The following ANKHD1 variants were observed in gnomAD, a reference collection of about 807,000 sequenced individuals.
ANKHD1 encodes the protein ankyrin repeat and KH domain-containing protein 1.
Under a neutral mutation model 230.5 loss-of-function variants are expected in ANKHD1, and 31 were observed. That is an observed-to-expected ratio of 0.13 (90% confidence interval 0.10 to 0.18). The LOEUF is 0.18. Ranked by LOEUF, ANKHD1 falls within the 10% of genes least tolerant of loss-of-function variation. The pLI, the probability that ANKHD1 is intolerant of heterozygous loss-of-function variation, is 1.00. For missense variants in ANKHD1, 2,256 were observed against 3,071.3 expected, an observed-to-expected ratio of 0.73 and a Z score of 6.27; for synonymous variants, 1,074 against 1,117.6, an observed-to-expected ratio of 0.96 and a Z score of 0.78.
At chr5:140,532,042 A>T (rs1252618573) in intron 29 of ANKHD1, among the ~76,000 whole-genome samples, 1 of 152,006 alleles carries the variant, frequency 6.6e-6, no homozygotes, top group Non-Finnish European at 1.5e-5. Context: ...CCCTGTCTCT[A>T]CTAAAATACA....
At chr5:140,442,213 G>T (rs1024660563) in intron 5 of ANKHD1, among the ~76,000 whole-genome samples, 1 of 151,430 alleles carries the variant, frequency 6.6e-6, no homozygotes, top group Non-Finnish European at 1.5e-5. Flanking sequence ...CTAATTTTTT[G>T]TACTTTTTTA....
At chr5:140,434,089 T>C (rs1773264189) in intron 1 of ANKHD1, among the ~76,000 whole-genome samples, 1 of 152,186 alleles carries the variant, frequency 6.6e-6, no homozygotes, top group Admixed American at 6.5e-5. Context: ...CATTAGATAA[T>C]AAAATAAGTT....
intron 10 of ANKHD1, among the ~76,000 whole-genome samples, chr5:140,481,441 AAGT>A (rs1422172809): frequency 6.6e-6 from 1 of 152,024 alleles, no homozygotes; most frequent in East Asian, 1.9e-4. Flanking sequence ...TCAAAGCATA[AAGT>A]AGTTTTTAAA....
At chr5:140,448,136 GCTGCAGT>G (rs1774435167) in intron 6 of ANKHD1, among the ~76,000 whole-genome samples, 2 of 152,160 alleles carry the variant, frequency 1.3e-5, no homozygotes. Context: ...GGAGTTTGAG[GCTGCAGT>G]GAGCTATGAT....
Position 140,529,609 on chromosome 5 carries a change from G to A in ANKHD1, c.6663G>A (p.Gln2221=). The A allele has an allele frequency of 6.2e-7, 1 of 1,614,178 alleles. No homozygotes were observed. The highest frequency in any genetic ancestry group is 8.5e-7 in the Non-Finnish European group (1 of 1,180,034). The change falls in exon 29 of 34, where the codon CAG becomes CAA. Residue 2221 remains glutamine, a synonymous_variant. Transcript: ENST00000360839. ...NHFSSLFDSS[Q]VPANQGWGDG... Reference sequence around the variant, plus strand: ...TCAGCAGTCTTTTTGATAGTAGTCAGGTGCCAGCTAACCAGGGCTGGGGAG... The same window carrying A: ...TCAGCAGTCTTTTTGATAGTAGTCAAGTGCCAGCTAACCAGGGCTGGGGAG...
At chr5:140,454,837 G>A (rs1321206724) in intron 7 of ANKHD1, among the ~76,000 whole-genome samples, 1 of 152,076 alleles carries the variant, frequency 6.6e-6, no homozygotes, top group Non-Finnish European at 1.5e-5. Context: ...TCAAAAGCTA[G>A]CAGAAGGCAA....
intron 15 of ANKHD1, among the ~76,000 whole-genome samples, chr5:140,500,161 G>T (rs563764727): frequency 1.3e-5 from 2 of 151,984 alleles, no homozygotes; most frequent in African/African-American, 4.8e-5. Context: ...GAGCCACCGC[G>T]CCTGGCCAAA....
intron 1 of ANKHD1, among the ~76,000 whole-genome samples, chr5:140,409,208 ACTTATG>A (rs1019061327): frequency 7.2e-5 from 11 of 152,192 alleles, no homozygotes; most frequent in Admixed American, 2.6e-4. Flanking sequence ...GCATTTCAGG[ACTTATG>A]CTTATAACCT....
rs570019464 is a variant in ANKHD1 at position 140,527,639 on chromosome 5, T to G, written c.5088-234T>G. Reference sequence around the variant, plus strand: ...ATAATTTTTGTTTTCAATGGCAGTGTAATTTTTAAAATTAGGTTCTCTGAA... The same window carrying G: ...ATAATTTTTGTTTTCAATGGCAGTGGAATTTTTAAAATTAGGTTCTCTGAA... On this transcript the variant is annotated intron_variant, in intron 27 of 33. Coordinates refer to ENST00000360839, the MANE Select transcript of ANKHD1 (RefSeq NM_017747.3). The surrounding 1 kb of genome is among the most constrained non-coding windows in gnomAD (Gnocchi z 4.5). 2.3e-4 allele frequency among the ~76,000 whole-genome samples: 35 copies of G among 152,356 alleles called. No individual in the cohort carries two copies. Among genetic ancestry groups the G allele is most frequent in the Non-Finnish European group, 4.3e-4 (29 of 68,040 alleles).
chr5:140,495,657 A>G (rs1752003424), intron 14 of ANKHD1, among the ~76,000 whole-genome samples: 1 of 152,180 alleles, frequency 6.6e-6, no homozygotes, highest in South Asian at 2.1e-4. Flanking sequence ...ATTAATATTG[A>G]TAATTATTTT....
At chr5:140,523,980 T>C in intron 24 of ANKHD1, 86 bp from the exon 25 acceptor site, 1 of 1,447,754 alleles carries the variant, frequency 6.9e-7, no homozygotes, top group Non-Finnish European at 9.1e-7. Flanking sequence ...TCCATGGAAA[T>C]CCCTGTGTAT....
chr5:140,527,067 G>A lies in ANKHD1; in HGVS notation c.5080G>A (p.Val1694Ile), dbSNP rs2127086454. 1 of 1,611,700 alleles carries A rather than the reference G, an allele frequency of 6.2e-7. No homozygotes were observed. Among genetic ancestry groups the A allele is most frequent in the East Asian group, 2.2e-5 (1 of 44,718 alleles). Residue 1694 changes from valine to isoleucine, a missense_variant, in exon 27 of 34, where the codon GTA (valine) becomes ATA (isoleucine). Val to Ile is a conservative substitution (Grantham distance 29). This residue lies in a region of ANKHD1 where 212 missense variants were observed against 257.3 expected (regional missense o/e 0.82). Transcript: ENST00000360839. The surrounding 1 kb of genome is among the most constrained non-coding windows in gnomAD (Gnocchi z 4.5). ...QKREEGWKEV[V>I]RRSKKLSVPA... Reference sequence around the variant, plus strand: ...AAGAGAAGAAGGGTGGAAAGAAGTTGTACGAAGGTAAATAGAATTAGTTCC... The same window carrying A: ...AAGAGAAGAAGGGTGGAAAGAAGTTATACGAAGGTAAATAGAATTAGTTCC...
At chr5:140,533,965 A>G (rs1308312797) in intron 29 of ANKHD1, among the ~76,000 whole-genome samples, 1 of 152,152 alleles carries the variant, frequency 6.6e-6, no homozygotes, top group Non-Finnish European at 1.5e-5. Flanking sequence ...TTGTCAGGAA[A>G]GCACAGTAAT....
intron 32 of ANKHD1, among the ~76,000 whole-genome samples, 195 bp downstream of exon 32, chr5:140,538,456 TG>T (rs1754171428): frequency 6.6e-6 from 1 of 152,188 alleles, no homozygotes. Context: ...CGAAAACACC[TG>T]AGGGATTTGG....
In ANKHD1 at chr5:140,440,109, T is replaced by A; in HGVS notation, c.618-10T>A. ...TGTTTCGGTTAATTGTTGAATGGTT[T>A]TGTTTCCAGTCGCAGTCTAGCAGAA... On this transcript the variant is annotated splice_polypyrimidine_tract_variant and intron_variant, in intron 3 of 33. Coordinates refer to ENST00000360839, the MANE Select transcript of ANKHD1 (RefSeq NM_017747.3). 6.3e-7 allele frequency: 1 copy of A among 1,595,404 alleles called. No homozygotes were observed. Among genetic ancestry groups the A allele is most frequent in the Non-Finnish European group, 8.5e-7 (1 of 1,171,336 alleles).
chr5:140,499,938 G>A (rs899051932), intron 15 of ANKHD1, among the ~76,000 whole-genome samples: 4 of 149,956 alleles, frequency 2.7e-5, no homozygotes, highest in South Asian at 2.1e-4. Context: ...GCTTGATCTC[G>A]GCTCACTGCA....
intron 9 of ANKHD1, among the ~76,000 whole-genome samples, chr5:140,464,272 C>T (rs1340046076): frequency 6.6e-6 from 1 of 151,750 alleles, no homozygotes; most frequent in Non-Finnish European, 1.5e-5. Context: ...TTCCCTTAAC[C>T]ATGCCCAAAA....
At chr5:140,449,933 GT>G (rs374771212) in intron 7 of ANKHD1, among the ~76,000 whole-genome samples, 1 of 151,956 alleles carries the variant, frequency 6.6e-6, no homozygotes, top group African/African-American at 2.4e-5. Context: ...ACATTTAACT[GT>G]TTTTTTAAAG....
rs757814895 is a variant in ANKHD1, at chr5:140,504,835, G to A, written c.3019G>A (p.Val1007Met). The change falls in exon 16 of 34, where the codon GTG (valine) becomes ATG (methionine). Residue 1007 changes from valine to methionine, a missense_variant. By Grantham distance (21) the Val-to-Met change is conservative (BLOSUM62 1). Transcript: ENST00000360839. ...TTGTTTTTCAGCTGTGAGTACCAGA[G>A]TGCCCACTGGTTCCAACAGTTCTTC... Reference protein sequence around the residue: ...DDLIAAVSTRVPTGSNSSSQT... With the variant: ...DDLIAAVSTRMPTGSNSSSQT... 6.2e-7 allele frequency: 1 copy of A among 1,613,396 alleles called. No homozygotes were observed. The highest frequency in any genetic ancestry group is 8.5e-7 in the Non-Finnish European group (1 of 1,179,816).
Sources: allele counts gnomAD v4.1 joint callset (sites outside exome capture counted in the v4.1 genomes callset), GRCh38; gene constraint gnomAD v4.1.1; regional missense constraint gnomAD v4.1.1; non-coding constraint Gnocchi (gnomAD v3.1); transcripts MANE v1.5; gene names NCBI Gene and HGNC (gene_info 2026-07-23, HGNC 2026-07-21).